YBX1: variants seen among roughly 807,000 people sequenced by gnomAD.
YBX1 encodes the protein Y-box binding protein 1, also known as Y-box-binding protein 1.
In YBX1, 3 loss-of-function variants were observed where a neutral mutation model predicts 41.4. The ratio of observed to expected loss-of-function variants is 0.07; its 90% CI spans 0.03 to 0.19. The LOEUF (loss-of-function observed/expected upper bound fraction) is 0.19. YBX1 is among the 10% of genes least tolerant of loss of function. YBX1 has a pLI of 1.00. For synonymous variants in YBX1, 133 were observed against 165.8 expected, an observed-to-expected ratio of 0.80 and a Z score of 1.52; for missense variants, 274 against 462.8, an observed-to-expected ratio of 0.59 and a Z score of 3.74.
At chr1:42,697,496 A>G (rs1650490545) in intron 6 of YBX1, among the ~76,000 whole-genome samples, 1 of 152,220 alleles carries the variant, frequency 6.6e-6, no homozygotes, top group South Asian at 2.1e-4. Context: ...CTGTCCTTGA[A>G]CAGGTAAGAT....
At chr1:42,690,944 A>T (rs887553034) in intron 2 of YBX1, among the ~76,000 whole-genome samples, 3 of 152,170 alleles carry the variant, frequency 2.0e-5, no homozygotes, top group Admixed American at 1.3e-4. Context: ...TTCCCAGCAA[A>T]CACCTGAGAG....
rs139851422 is a variant in YBX1 at position 42,703,692 on chromosome 1, C to T, written c.*1743C>T. 4.6e-5 allele frequency among the ~76,000 whole-genome samples: 7 copies of T among 152,184 alleles called. No homozygotes were observed. Among genetic ancestry groups the T allele is most frequent in the African/African-American group, 1.2e-4 (5 of 41,526 alleles). ...GACTTAGGGGCTTTTAGTGGGGTTA[C>T]GGTTTCTACTGAATCAACATTGTTT... On this transcript the variant is annotated 3_prime_UTR_variant, in exon 8 of 8. Coordinates refer to ENST00000321358, the MANE Select transcript of YBX1 (RefSeq NM_004559.5).
Position 42,682,669 on chromosome 1 carries a change from G to A in YBX1, c.104G>A (p.Gly35Glu). 4 of 1,294,856 alleles carry A rather than the reference G, an allele frequency of 3.1e-6. No individual in the cohort carries two copies. Among genetic ancestry groups the A allele is most frequent in the Non-Finnish European group, 3.9e-6 (4 of 1,029,286 alleles). The allele number at this position is 1,294,856 out of a possible 1,614,324, so 80.2% of individuals were successfully genotyped here. Reference sequence around the variant, plus strand: ...CCCGGCACTACGGGCAGCGGCGCAGGGAGCGGTGGCCCGGGCGGCCTCACA... The same window carrying A: ...CCCGGCACTACGGGCAGCGGCGCAGAGAGCGGTGGCCCGGGCGGCCTCACA... ...TKPGTTGSGA[G>E]SGGPGGLTSA... The change falls in exon 1 of 8, where the codon GGG becomes GAG. Residue 35 changes from glycine to glutamate, a missense_variant. Physicochemically the swap from Gly to Glu is moderately conservative, Grantham distance 98. Around this residue, in one of 3 missense-constraint regions of YBX1, gnomAD observed 84 missense variants for 130.8 expected, o/e 0.64. Coordinates refer to ENST00000321358, the MANE Select transcript of YBX1 (RefSeq NM_004559.5).
intron 5 of YBX1, 100 bp from the exon 6 acceptor site, chr1:42,697,080 A>C: frequency 6.8e-7 from 1 of 1,480,430 alleles, no homozygotes; most frequent in Non-Finnish European, 9.1e-7. Flanking sequence ...CAATTACTAG[A>C]TGGTCTGTTT....
chr1:42,684,008 CTG>C (rs1261941561), intron 2 of YBX1, among the ~76,000 whole-genome samples: 1 of 152,144 alleles, frequency 6.6e-6, no homozygotes, highest in African/African-American at 2.4e-5. Flanking sequence ...CCAGAGAGAA[CTG>C]TTTTTATTTG....
chr1:42,699,271 G>C (rs981975536), intron 6 of YBX1, among the ~76,000 whole-genome samples: 1 of 152,198 alleles, frequency 6.6e-6, no homozygotes, highest in Non-Finnish European at 1.5e-5. Context: ...AGACATGGAA[G>C]CCTTTGGTTG....
chr1:42,688,398 A>G (rs946798757), intron 2 of YBX1, among the ~76,000 whole-genome samples: 3 of 152,170 alleles, frequency 2.0e-5, no homozygotes, highest in Admixed American at 2.0e-4. Flanking sequence ...ATGTACACAA[A>G]TGCATTAGAA....
intron 2 of YBX1, among the ~76,000 whole-genome samples, chr1:42,685,244 A>G (rs1197998794): frequency 1.3e-5 from 2 of 152,270 alleles, no homozygotes; most frequent in East Asian, 1.9e-4. Context: ...TATTTAGTCC[A>G]TGAGATACTG....
At chr1:42,697,048 G>A in intron 5 of YBX1, 104 bp downstream of exon 5, 1 of 1,452,864 alleles carries the variant, frequency 6.9e-7, no homozygotes, top group South Asian at 1.4e-5. Flanking sequence ...AGAACCAAAA[G>A]GATTAATTTA....
At chr1:42,685,424 T>G (rs1007019152) in intron 2 of YBX1, among the ~76,000 whole-genome samples, 2 of 152,204 alleles carry the variant, frequency 1.3e-5, no homozygotes, top group African/African-American at 4.8e-5. Context: ...TTTTAATGAT[T>G]CTGGGACTTT....
chr1:42,698,016 C>T (rs1406788742), intron 6 of YBX1, among the ~76,000 whole-genome samples: 2 of 152,174 alleles, frequency 1.3e-5, no homozygotes, highest in East Asian at 1.9e-4. Flanking sequence ...TCTGAAGAAT[C>T]AAACCAATAC....
Position 42,696,394 on chromosome 1 carries a change from CTCA to C in YBX1, c.354+108_354+110del. On this transcript the variant is annotated intron_variant, in intron 4 of 7. Transcript: ENST00000321358. The surrounding 1 kb of genome is among the most constrained non-coding windows in gnomAD (Gnocchi z 5.7). ...ATGTGGATGGATGTGTTCAGGTGAC[CTCA>C]TGAACACAGGTGCATCAAGCCTAAT... 1 of 1,179,754 alleles carries C rather than the reference CTCA, an allele frequency of 8.5e-7. No homozygotes were observed. The allele number at this position is 1,179,754 out of a possible 1,614,324, so 73.1% of individuals were successfully genotyped here.
At chr1:42,700,373 G>A (rs1650564816) in intron 6 of YBX1, among the ~76,000 whole-genome samples, 2 of 152,088 alleles carry the variant, frequency 1.3e-5, no homozygotes, top group South Asian at 4.1e-4. Flanking sequence ...GGAGGCCAAG[G>A]AGGGAGGATA....
At chr1:42,684,028 A>G (rs1487649751) in intron 2 of YBX1, among the ~76,000 whole-genome samples, 1 of 152,220 alleles carries the variant, frequency 6.6e-6, no homozygotes, top group African/African-American at 2.4e-5. Context: ...TTGCTCATCC[A>G]GTAAATAATA....
chr1:42,691,066 T>C (rs1650317236), intron 2 of YBX1, among the ~76,000 whole-genome samples: 1 of 152,180 alleles, frequency 6.6e-6, no homozygotes, highest in African/African-American at 2.4e-5. Flanking sequence ...TAACTGCCAG[T>C]TTAAACTAGA....
intron 1 of YBX1, chr1:42,683,121 G>A (rs772482862): frequency 1.7e-6 from 1 of 603,292 alleles, no homozygotes; most frequent in Non-Finnish European, 3.0e-6. Context: ...ACGCAGGCCG[G>A]AGCGGCTTCC....
At chr1:42,701,079 C>T in intron 7 of YBX1, 33 bp downstream of exon 7, 1 of 1,534,548 alleles carries the variant, frequency 6.5e-7, no homozygotes, top group Non-Finnish European at 9.0e-7. Flanking sequence ...CCATTTATGG[C>T]AGTCGTGAGT....
chr1:42,700,086 T>C (rs1369464734), intron 6 of YBX1, among the ~76,000 whole-genome samples: 1 of 152,158 alleles, frequency 6.6e-6, no homozygotes, highest in Non-Finnish European at 1.5e-5. Context: ...CACTGTAGGG[T>C]TGCAGAGAAA....
At chr1:42,697,331 G>T in intron 6 of YBX1, 69 bp downstream of exon 6, 1 of 1,464,708 alleles carries the variant, frequency 6.8e-7, no homozygotes, top group East Asian at 2.3e-5. Flanking sequence ...GCAATATCAT[G>T]CCTCTCCTGC....
Sources: gnomAD v4.1 joint callset for allele counts (sites outside exome capture counted in the v4.1 genomes callset) on GRCh38, gnomAD v4.1.1 for gene constraint, gnomAD v4.1.1 regional missense constraint, Gnocchi (gnomAD v3.1) non-coding constraint, MANE v1.5 for transcripts, NCBI Gene and HGNC (gene_info 2026-07-23, HGNC 2026-07-21) for gene names.